FANCL: variants seen among roughly 807,000 people sequenced by gnomAD.
The protein encoded by FANCL is FA complementation group L.
FANCL carries 69 observed loss-of-function variants against 59.4 expected under a neutral mutation model. The observed-to-expected ratio is 1.16, with a 90% CI of 0.96 to 1.42. The LOEUF (loss-of-function observed/expected upper bound fraction) is 1.42. Ranked by LOEUF, FANCL falls within the 40% of genes most tolerant of loss-of-function variation. The pLI is 0.00. For missense variants in FANCL, 519 were observed against 447.2 expected (o/e 1.16, Z -1.45); for synonymous variants, 180 against 147.1 (o/e 1.22, Z -1.62).
At chr2:58,214,537 G>C (rs1275978862) in intron 5 of FANCL, among the ~76,000 whole-genome samples, 1 of 151,970 alleles carries the variant, frequency 6.6e-6, no homozygotes, top group African/African-American at 2.4e-5. Flanking sequence ...TGTTGACAGG[G>C]TCTCACTGTC....
At chr2:58,222,917 A>G (rs539062352) in intron 4 of FANCL, among the ~76,000 whole-genome samples, 129 of 152,098 alleles carry the variant, frequency 8.5e-4, no homozygotes, top group Non-Finnish European at 6.6e-4. Context: ...TGAAAATTAT[A>G]AACACTTCTG....
chr2:58,199,847 T>C (rs1040547389), intron 6 of FANCL, among the ~76,000 whole-genome samples: 1 of 152,122 alleles, frequency 6.6e-6, no homozygotes, highest in Non-Finnish European at 1.5e-5. Flanking sequence ...TTTTAGGCTT[T>C]CACTTTTTTC....
intron 1 of FANCL, among the ~76,000 whole-genome samples, chr2:58,239,566 C>T (rs1234218936): frequency 6.6e-6 from 1 of 152,154 alleles, no homozygotes; most frequent in East Asian, 1.9e-4. Context: ...AAACATACAA[C>T]TGTATCATAA....
chr2:58,195,603 A>G (rs1441063201), intron 7 of FANCL, among the ~76,000 whole-genome samples: 1 of 152,154 alleles, frequency 6.6e-6, no homozygotes, highest in African/African-American at 2.4e-5. Flanking sequence ...CTGTATGACA[A>G]AATATATACA....
intron 5 of FANCL, among the ~76,000 whole-genome samples, chr2:58,217,400 T>C (rs1471921919): frequency 6.6e-6 from 1 of 150,588 alleles, no homozygotes; most frequent in Non-Finnish European, 1.5e-5. Context: ...CTCTTCCAGT[T>C]TCTGGTGGCT....
chr2:58,239,374 A>C (rs1271709152), intron 1 of FANCL, among the ~76,000 whole-genome samples: 1 of 152,204 alleles, frequency 6.6e-6, no homozygotes, highest in Non-Finnish European at 1.5e-5. Flanking sequence ...AGCTGAATTT[A>C]ATAGTGAGGA....
At chr2:58,222,891 G>A (rs1341478415) in intron 4 of FANCL, among the ~76,000 whole-genome samples, 3 of 151,834 alleles carry the variant, frequency 2.0e-5, no homozygotes, top group African/African-American at 7.2e-5. Context: ...AATAACGAAA[G>A]TAGATAGGGA....
At chr2:58,181,400 C>A (rs141101121) in intron 7 of FANCL, among the ~76,000 whole-genome samples, 129 of 152,106 alleles carry the variant, frequency 8.5e-4, no homozygotes, top group South Asian at 1.7e-3. Flanking sequence ...TAGGATGGGA[C>A]AAAACCCTGT....
At chr2:58,165,059 T>C (rs1685748430) in intron 8 of FANCL, among the ~76,000 whole-genome samples, 1 of 152,132 alleles carries the variant, frequency 6.6e-6, no homozygotes, top group African/African-American at 2.4e-5. Context: ...CTATGGTATT[T>C]AATGTGAGCT....
chr2:58,176,768 A>C (rs903259473), intron 7 of FANCL, among the ~76,000 whole-genome samples: 6 of 152,296 alleles, frequency 3.9e-5, no homozygotes, highest in African/African-American at 1.2e-4. Context: ...ACAAAAGCCA[A>C]AATTGACAAA....
intron 5 of FANCL, among the ~76,000 whole-genome samples, chr2:58,206,316 T>C (rs1449979369): frequency 6.6e-6 from 1 of 151,832 alleles, no homozygotes; most frequent in East Asian, 1.9e-4. Context: ...AAATATTGCA[T>C]GTAGGCAGAT....
At chr2:58,185,511 C>A (rs561236519) in intron 7 of FANCL, among the ~76,000 whole-genome samples, 5 of 152,242 alleles carry the variant, frequency 3.3e-5, no homozygotes, top group African/African-American at 1.2e-4. Context: ...AAATCACGAA[C>A]TTACAAAAAA....
chr2:58,227,997 A>C (rs1330353326), intron 3 of FANCL, among the ~76,000 whole-genome samples: 1 of 152,220 alleles, frequency 6.6e-6, no homozygotes, highest in African/African-American at 2.4e-5. Flanking sequence ...AAATATAAAA[A>C]TCAGGCAACT....
In FANCL at chr2:58,205,890, T is replaced by G. The variant is rs200072385; in HGVS notation, c.375-1664A>C. ...CCAAATTATAAACAATAAAACTGCATTAAAAATGGTAATTACTCTGCCACT... is the reference window on the plus strand; with the variant it reads ...CCAAATTATAAACAATAAAACTGCAGTAAAAATGGTAATTACTCTGCCACT... On this transcript the variant is annotated intron_variant, in intron 5 of 13. Coordinates refer to ENST00000233741, the MANE Select transcript of FANCL (RefSeq NM_018062.4). 6.6e-5 allele frequency among the ~76,000 whole-genome samples: 10 copies of G among 152,236 alleles called. No homozygotes were observed. In the East Asian group the frequency reaches 1.7e-3, roughly 26 times the overall value.
intron 1 of FANCL, among the ~76,000 whole-genome samples, chr2:58,235,396 G>GT (rs1396176399): frequency 6.6e-6 from 1 of 152,138 alleles, no homozygotes; most frequent in East Asian, 1.9e-4. Flanking sequence ...ATTAAATAGA[G>GT]TGCTCAGAAG....
intron 5 of FANCL, among the ~76,000 whole-genome samples, chr2:58,206,120 T>G (rs975108767): frequency 7.9e-5 from 12 of 151,980 alleles, no homozygotes; most frequent in Admixed American, 2.6e-4. Context: ...AATGGAAAAT[T>G]AGAAACAATA....
chr2:58,184,945 G>A (rs1688260865), intron 7 of FANCL, among the ~76,000 whole-genome samples: 1 of 152,088 alleles, frequency 6.6e-6, no homozygotes, highest in Non-Finnish European at 1.5e-5. Context: ...CCGTGTTGAA[G>A]GCACACCAAC....
chr2:58,177,062 A>T (rs1233081772), intron 7 of FANCL, among the ~76,000 whole-genome samples: 2 of 152,258 alleles, frequency 1.3e-5, no homozygotes, highest in Admixed American at 1.3e-4. Context: ...AGAGAAATGC[A>T]AATCAAAACC....
At position 58,219,140 on chromosome 2, in the gene FANCL, T is replaced by TAAA. The variant is rs70954881; in HGVS notation, c.374+2799_374+2801dup. Among the ~76,000 whole-genome samples, 24 of 16,606 alleles carry TAAA rather than the reference T, an allele frequency of 1.4e-3. 3 individuals are homozygous for TAAA. The highest frequency in any genetic ancestry group is 6.5e-3 in the South Asian group (1 of 154). 10.9% of individuals were successfully genotyped at this position (16,606 alleles called of 152,430 possible). ...TCAGTGCCAGAAAGTAAATACATGC[T>TAAA]AAAAAAAAAAAAAAAAAAAAAAAAA... is the stretch of plus-strand genomic sequence containing the variant. On this transcript the variant is annotated intron_variant, in intron 5 of 13. Coordinates refer to ENST00000233741, the MANE Select transcript of FANCL (RefSeq NM_018062.4).
Sources: gnomAD v4.1 joint callset for allele counts (sites outside exome capture counted in the v4.1 genomes callset) on GRCh38, gnomAD v4.1.1 for gene constraint, MANE v1.5 for transcripts, NCBI Gene and HGNC (gene_info 2026-07-23, HGNC 2026-07-21) for gene names.